The following PCCA variants were observed in gnomAD, a reference collection of about 807,000 sequenced individuals.
PCCA encodes propionyl-CoA carboxylase alpha chain, mitochondrial.
Under a neutral mutation model 101.3 loss-of-function variants are expected in PCCA, and 74 were observed. That is an observed-to-expected ratio of 0.73 (90% CI 0.61 to 0.89). PCCA has a LOEUF of 0.89. Ranked by LOEUF, PCCA falls within the 40% of genes least tolerant of loss-of-function variation. The probability of loss-of-function intolerance (pLI) is 0.00; values close to 1 mark genes in which losing one functional copy is unlikely to be tolerated. For synonymous variants in PCCA, 294 were observed against 313.6 expected, an observed-to-expected ratio of 0.94 and a Z score of 0.66; for missense variants, 891 against 907.0, an observed-to-expected ratio of 0.98 and a Z score of 0.23.
intron 12 of PCCA, among the ~76,000 whole-genome samples, chr13:100,298,669 TCCC>T (rs1490631777): frequency 8.5e-5 from 1 of 11,704 alleles, no homozygotes; most frequent in African/African-American, 2.8e-4. Flanking sequence ...CCTCCCTCCC[TCCC>T]TCCTTCCTTC....
At chr13:100,124,317 TTGTC>T (rs1258000855) in intron 4 of PCCA, among the ~76,000 whole-genome samples, 1 of 152,220 alleles carries the variant, frequency 6.6e-6, no homozygotes, top group Admixed American at 6.5e-5. Flanking sequence ...TTTTGTTGCT[TTGTC>T]TGTGTACAGT....
chr13:100,115,661 T>C (rs1735680935), intron 4 of PCCA, among the ~76,000 whole-genome samples: 1 of 152,190 alleles, frequency 6.6e-6, no homozygotes, highest in Non-Finnish European at 1.5e-5. Flanking sequence ...CAAGCTGTCA[T>C]ATGGCGCATG....
At position 100,340,264 on chromosome 13, in the gene PCCA, G is replaced by A. The variant is rs779592519; in HGVS notation, c.1643+5G>A. 1 of 1,428,508 alleles carries A rather than the reference G, an allele frequency of 7.0e-7. No homozygotes were observed. The highest frequency in any genetic ancestry group is 1.1e-5 in the South Asian group (1 of 87,294). 88.5% of individuals were successfully genotyped at this position (1,428,508 alleles called of 1,614,324 possible). ...ACATTTTCAAGAAAATTCAAGGTAT[G>A]GTAGATCATTTAAAACAGAATAAAT... On this transcript the variant is annotated splice_donor_5th_base_variant and intron_variant, in intron 18 of 23. Transcript: ENST00000376285.
chr13:100,163,216 C>T (rs1366985495), intron 6 of PCCA, among the ~76,000 whole-genome samples: 6 of 151,984 alleles, frequency 3.9e-5, no homozygotes, highest in Non-Finnish European at 7.4e-5. Context: ...GGATTTTTTT[C>T]CCTTTGCTTG....
rs570681068 is a variant in PCCA at position 100,235,288 on chromosome 13, A to G, written c.601-554A>G. 3.3e-5 allele frequency among the ~76,000 whole-genome samples: 5 copies of G among 151,772 alleles called. No homozygotes were observed. In the South Asian group the frequency reaches 1.0e-3, roughly 32 times the overall value. On this transcript the variant is annotated intron_variant, in intron 7 of 23. Transcript: ENST00000376285. ...ATAAAATATGTACCTGAAAAAAAAA[A>G]AAAAGAAAGAAACAATAGAAAAGAA...
chr13:100,475,223 T>G (rs777487025), intron 21 of PCCA, among the ~76,000 whole-genome samples: 10 of 152,218 alleles, frequency 6.6e-5, no homozygotes, highest in South Asian at 6.2e-4. Flanking sequence ...ATTCACTGGT[T>G]TTTAGACTGT....
At position 100,368,558 on chromosome 13, in the gene PCCA, A is replaced by G. The variant is rs887791543; in HGVS notation, c.1730A>G (p.Asn577Ser). Residue 577 changes from asparagine to serine, a missense_variant, in exon 19 of 24, where the codon AAT (asparagine) becomes AGT (serine). Asn to Ser is a conservative substitution (Grantham distance 46). Coordinates refer to ENST00000376285, the MANE Select transcript of PCCA (RefSeq NM_000282.4). ...GTTCATACCGTAGTAGCATCAAACAATGGGTCAGTGTTCTCGGTGAGTTTT... is the reference window on the plus strand; with the variant it reads ...GTTCATACCGTAGTAGCATCAAACAGTGGGTCAGTGTTCTCGGTGAGTTTT... Reference protein sequence around the residue: ...DKVHTVVASNNGSVFSVEVDG... With the variant: ...DKVHTVVASNSGSVFSVEVDG... 1.1e-5 allele frequency: 18 copies of G among 1,599,240 alleles called. No homozygotes were observed. In the Admixed American group the frequency reaches 1.7e-4, roughly 15 times the overall value.
chr13:100,503,145 G>A (rs2085803649), intron 21 of PCCA, among the ~76,000 whole-genome samples: 1 of 152,206 alleles, frequency 6.6e-6, no homozygotes, highest in Admixed American at 6.5e-5. Flanking sequence ...GCTCAGCACA[G>A]CCATGCTTAA....
At chr13:100,421,824 A>G (rs774498827) in intron 19 of PCCA, among the ~76,000 whole-genome samples, 1 of 152,014 alleles carries the variant, frequency 6.6e-6, no homozygotes, top group Non-Finnish European at 1.5e-5. Flanking sequence ...AGCTGGGACT[A>G]CAGGCACCCA....
intron 21 of PCCA, among the ~76,000 whole-genome samples, chr13:100,462,532 T>C (rs1453772581): frequency 6.6e-6 from 1 of 152,178 alleles, no homozygotes; most frequent in Non-Finnish European, 1.5e-5. Flanking sequence ...CAGAGCGAAT[T>C]GTAGATCTGT....
chr13:100,352,767 T>A (rs1300607839), intron 18 of PCCA, among the ~76,000 whole-genome samples: 5 of 152,082 alleles, frequency 3.3e-5, no homozygotes, highest in African/African-American at 1.2e-4. Flanking sequence ...AGTGGTGTGA[T>A]TATAGCTCAT....
chr13:100,277,926 T>C (rs183537892), intron 12 of PCCA, among the ~76,000 whole-genome samples: 1 of 152,310 alleles, frequency 6.6e-6, no homozygotes, highest in African/African-American at 2.4e-5. Flanking sequence ...ATGTGGCTGA[T>C]TTTCCTTAAG....
At chr13:100,102,482 G>T (rs1416082888) in intron 1 of PCCA, among the ~76,000 whole-genome samples, 1 of 152,128 alleles carries the variant, frequency 6.6e-6, no homozygotes, top group South Asian at 2.1e-4. Context: ...AATATAAAAA[G>T]AATATTTTAT....
At chr13:100,469,330 GA>G (rs2082798435) in intron 21 of PCCA, among the ~76,000 whole-genome samples, 1 of 152,022 alleles carries the variant, frequency 6.6e-6, no homozygotes, top group South Asian at 2.1e-4. Context: ...AGGAACAAAG[GA>G]AAGGAAAAGG....
chr13:100,450,073 A>C (rs2081109175), intron 21 of PCCA, among the ~76,000 whole-genome samples: 1 of 152,138 alleles, frequency 6.6e-6, no homozygotes, highest in Admixed American at 6.5e-5. Flanking sequence ...ATAATTTTCA[A>C]ACTAATTTGT....
At chr13:100,154,617 T>G in intron 4 of PCCA, 1 of 327,802 alleles carries the variant, frequency 3.1e-6, no homozygotes, top group Non-Finnish European at 5.9e-6. Flanking sequence ...ATGAGTGCTC[T>G]TTATTAAAAT....
chr13:100,483,158 T>A lies in PCCA; in HGVS notation c.1900-32269T>A, dbSNP rs188390847. 5.5e-3 allele frequency among the ~76,000 whole-genome samples: 845 copies of A among 152,272 alleles called. 2 individuals carry two copies. Among genetic ancestry groups the A allele is most frequent in the Non-Finnish European group, 9.2e-3 (626 of 68,024 alleles). On this transcript the variant is annotated intron_variant, in intron 21 of 23. Transcript: ENST00000376285. ...GAGGAAAAGCCACGTTTTACTTTTA[T>A]AATTTTTATTCCATCATTAAAAGTA...
At chr13:100,527,237 C>T (rs530706866) in intron 22 of PCCA, 4 of 460,722 alleles carry the variant, frequency 8.7e-6, no homozygotes, top group South Asian at 6.4e-5. Flanking sequence ...ACATTTTTAT[C>T]ACTCTCAAAA....
At chr13:100,388,966 AT>A (rs2152837844) in intron 19 of PCCA, among the ~76,000 whole-genome samples, 1 of 152,320 alleles carries the variant, frequency 6.6e-6, no homozygotes, top group African/African-American at 2.4e-5. Flanking sequence ...TGCATTGATC[AT>A]TTTAGTTGTA....
Sources: allele counts gnomAD v4.1 joint callset (sites outside exome capture counted in the v4.1 genomes callset), GRCh38; gene constraint gnomAD v4.1.1; transcripts MANE v1.5; gene names NCBI Gene and HGNC (gene_info 2026-07-23, HGNC 2026-07-21).